Variants in SOX5 observed in about 807,000 individuals in gnomAD.
SOX5 encodes transcription factor SOX-5.
Under a neutral mutation model 92.0 loss-of-function variants are expected in SOX5, and 9 were observed. That is an observed-to-expected ratio of 0.10 (90% confidence interval 0.06 to 0.17). SOX5 has a LOEUF of 0.17. Among genes scored for constraint, SOX5 ranks in the 10% least tolerant of loss-of-function variants. The pLI is 1.00. For missense variants in SOX5, 642 were observed against 944.5 expected, an observed-to-expected ratio of 0.68 and a Z score of 4.20; for synonymous variants, 344 against 336.3, an observed-to-expected ratio of 1.02 and a Z score of -0.25.
At chr12:24,257,959 G>A (rs573081745) in intron 3 of SOX5, among the ~76,000 whole-genome samples, 1 of 152,148 alleles carries the variant, frequency 6.6e-6, no homozygotes, top group South Asian at 2.1e-4. Flanking sequence ...TGGATCACGA[G>A]GTCAGGAGAT....
At chr12:24,019,032 G>A (rs981854424) in intron 4 of SOX5, among the ~76,000 whole-genome samples, 3 of 152,102 alleles carry the variant, frequency 2.0e-5, no homozygotes, top group Non-Finnish European at 2.9e-5. Context: ...GAAGTGCAGT[G>A]GCACCATCAT....
intron 7 of SOX5, among the ~76,000 whole-genome samples, chr12:23,653,597 CG>C (rs1040127004): frequency 2.2e-4 from 33 of 152,086 alleles, no homozygotes; most frequent in African/African-American, 8.0e-4. Flanking sequence ...TTCTGGAGGC[CG>C]GGAAGCCCAA....
In SOX5 at chr12:24,121,141, G is replaced by T. The variant is rs938630362; in HGVS notation, c.-2+92202C>A. ...GCTTACAAAACAGACATTCTACGTTGTAACATTATTATTTTATAACAAGTT... is the reference window on the plus strand; with the variant it reads ...GCTTACAAAACAGACATTCTACGTTTTAACATTATTATTTTATAACAAGTT... On this transcript the variant is annotated intron_variant, in intron 4 of 4. Coordinates refer to the SOX5 transcript ENST00000446891. Among the ~76,000 whole-genome samples, 3 of 152,120 alleles carry T rather than the reference G, an allele frequency of 2.0e-5. No homozygotes were observed. The South Asian group carries it at 6.2e-4, about 31-fold the overall frequency.
intron 2 of SOX5, among the ~76,000 whole-genome samples, chr12:24,304,904 C>T (rs1249414744): frequency 1.3e-5 from 2 of 152,156 alleles, no homozygotes; most frequent in African/African-American, 4.8e-5. Flanking sequence ...CTTCCATTTC[C>T]AATACCGCTG....
At chr12:24,483,341 A>G (rs1417951502) in intron 1 of SOX5, among the ~76,000 whole-genome samples, 3 of 152,196 alleles carry the variant, frequency 2.0e-5, no homozygotes, top group African/African-American at 7.2e-5. Context: ...TTTCTCTTTC[A>G]GTTTTTATGG....
At chr12:23,754,121 G>A (rs923447262) in intron 4 of SOX5, among the ~76,000 whole-genome samples, 167 of 151,856 alleles carry the variant, frequency 1.1e-3, no homozygotes, top group Non-Finnish European at 4.0e-4. Context: ...TAACCCCCAA[G>A]GCAAGCCTGA....
At chr12:23,581,846 T>C (rs1039489280) in intron 9 of SOX5, among the ~76,000 whole-genome samples, 2 of 151,928 alleles carry the variant, frequency 1.3e-5, no homozygotes, top group African/African-American at 4.8e-5. Flanking sequence ...TAATGTTTCA[T>C]TTATAAAAAC....
At chr12:24,259,233 A>C (rs74068472) in intron 3 of SOX5, among the ~76,000 whole-genome samples, 3,184 of 152,266 alleles carry the variant, frequency 0.021, 115 homozygotes, top group African/African-American at 0.073. Flanking sequence ...AGCGAGAGAG[A>C]GAGCAAGTGA....
intron 1 of SOX5, among the ~76,000 whole-genome samples, chr12:24,539,933 G>T (rs1250978933): frequency 1.3e-5 from 2 of 151,978 alleles, no homozygotes; most frequent in Non-Finnish European, 2.9e-5. Context: ...TTTACTGATG[G>T]CTAAGAAAAT....
chr12:24,049,830 T>C (rs1957391242), intron 4 of SOX5, among the ~76,000 whole-genome samples: 1 of 151,828 alleles, frequency 6.6e-6, no homozygotes, highest in Admixed American at 6.6e-5. Context: ...TAAACACCAT[T>C]GCTGCAGTGT....
chr12:24,367,247 A>T (rs1956268064), intron 2 of SOX5, among the ~76,000 whole-genome samples: 1 of 152,180 alleles, frequency 6.6e-6, no homozygotes, highest in African/African-American at 2.4e-5. Flanking sequence ...TTAAATGAAT[A>T]GATTAATAAA....
chr12:24,030,188 T>C (rs1327367955), intron 4 of SOX5, among the ~76,000 whole-genome samples: 1 of 151,928 alleles, frequency 6.6e-6, no homozygotes, highest in Admixed American at 6.6e-5. Flanking sequence ...TAATACTATT[T>C]TTTTGATAGT....
intron 2 of SOX5, among the ~76,000 whole-genome samples, chr12:24,363,589 G>A (rs1451499198): frequency 6.6e-6 from 1 of 152,048 alleles, no homozygotes; most frequent in African/African-American, 2.4e-5. Flanking sequence ...AATTTATAAA[G>A]TGCCTATTGT....
chr12:23,893,202 C>T (rs909381288), intron 2 of SOX5, among the ~76,000 whole-genome samples: 14 of 152,080 alleles, frequency 9.2e-5, no homozygotes, highest in Non-Finnish European at 1.3e-4. Flanking sequence ...AATCCCAGCA[C>T]TTTGGGAGGC....
chr12:23,957,460 C>T (rs74069813), intron 4 of SOX5, among the ~76,000 whole-genome samples: 12,555 of 152,134 alleles, frequency 0.083, 1,012 homozygotes, highest in East Asian at 0.28. Flanking sequence ...AAATACCTCA[C>T]GTGTGTGATG....
At chr12:23,883,973 T>C (rs1423168446) in intron 2 of SOX5, among the ~76,000 whole-genome samples, 1 of 152,338 alleles carries the variant, frequency 6.6e-6, no homozygotes, top group Non-Finnish European at 1.5e-5. Flanking sequence ...TTTCAAATTT[T>C]TTTTTTCTCT....
intron 1 of SOX5, among the ~76,000 whole-genome samples, chr12:23,941,775 G>T (rs575575312): frequency 6.6e-6 from 1 of 151,408 alleles, no homozygotes; most frequent in East Asian, 1.9e-4. Flanking sequence ...AGTTCATTCC[G>T]TTCTACACTA....
chr12:23,696,511 C>G (rs762739419), intron 6 of SOX5, among the ~76,000 whole-genome samples: 3 of 152,002 alleles, frequency 2.0e-5, no homozygotes, highest in Non-Finnish European at 4.4e-5. Context: ...TGTTTTATTT[C>G]CTGAATTGTC....
chr12:24,369,914 C>T (rs1366084260), intron 1 of SOX5, among the ~76,000 whole-genome samples: 1 of 152,222 alleles, frequency 6.6e-6, no homozygotes, highest in African/African-American at 2.4e-5. Context: ...TAACAAAGAT[C>T]TCACTGTTAA....
Sources: gnomAD v4.1 joint callset for allele counts (sites outside exome capture counted in the v4.1 genomes callset) on GRCh38, gnomAD v4.1.1 for gene constraint, MANE v1.5 for transcripts, NCBI Gene and HGNC (gene_info 2026-07-23, HGNC 2026-07-21) for gene names.